The following GUCY2C variants were observed in gnomAD, a reference collection of about 807,000 sequenced individuals.
GUCY2C encodes guanylyl cyclase C.
A neutral mutation model predicts 131.1 loss-of-function variants in GUCY2C; 118 were observed. The observed-to-expected ratio is 0.90, with a 90% confidence interval of 0.78 to 1.05. The LOEUF (loss-of-function observed/expected upper bound fraction) is 1.05, where lower values mean the gene tolerates loss of function less well. Among genes scored for constraint, GUCY2C ranks in the 50% least tolerant of loss-of-function variants. The pLI, the probability that GUCY2C is intolerant of heterozygous loss-of-function variation, is 0.00. For missense variants in GUCY2C, 1,161 were observed against 1,304.4 expected (o/e 0.89, Z 1.69); for synonymous variants, 452 against 457.8 (o/e 0.99, Z 0.16).
chr12:14,664,545 C>T (rs1947931341), intron 10 of GUCY2C, among the ~76,000 whole-genome samples: 1 of 151,926 alleles, frequency 6.6e-6, no homozygotes, highest in Non-Finnish European at 1.5e-5. Context: ...TTTAATTAAA[C>T]ATGCTTTTCA....
intron 6 of GUCY2C, 32 bp downstream of exon 6, chr12:14,679,625 A>G (rs1948307169): frequency 9.7e-7 from 1 of 1,027,330 alleles, no homozygotes; most frequent in Non-Finnish European, 1.5e-6. Flanking sequence ...CCTTTTTGAA[A>G]GGAGGAGGGT....
intron 11 of GUCY2C, among the ~76,000 whole-genome samples, chr12:14,657,759 C>A (rs535487371): frequency 3.7e-4 from 56 of 152,242 alleles, no homozygotes; most frequent in African/African-American, 1.3e-3. Flanking sequence ...AAACTCTCCC[C>A]ACCCCCAAAA....
intron 12 of GUCY2C, among the ~76,000 whole-genome samples, chr12:14,656,303 C>T (rs2137046417): frequency 6.6e-6 from 1 of 152,316 alleles, no homozygotes; most frequent in South Asian, 2.1e-4. Context: ...ATATCTCAGC[C>T]TCCAGGGAAG....
intron 10 of GUCY2C, among the ~76,000 whole-genome samples, chr12:14,661,680 A>G (rs4764111): frequency 0.97 from 147,553 of 152,230 alleles, 71,535 homozygotes; most frequent in East Asian, 1. Flanking sequence ...CGATCCGCCA[A>G]CCTCAGTCTC....
At chr12:14,690,912 G>A (rs1349473556) in intron 1 of GUCY2C, among the ~76,000 whole-genome samples, 1 of 152,198 alleles carries the variant, frequency 6.6e-6, no homozygotes, top group African/African-American at 2.4e-5. Flanking sequence ...GGCATTATGA[G>A]TGATTTCTTA....
At chr12:14,694,058 T>C (rs1018189201) in intron 1 of GUCY2C, among the ~76,000 whole-genome samples, 1 of 152,234 alleles carries the variant, frequency 6.6e-6, no homozygotes, top group Non-Finnish European at 1.5e-5. Flanking sequence ...AGGTACTTTA[T>C]ATGAGTTTTC....
At chr12:14,636,409 C>G (rs534523957) in intron 19 of GUCY2C, among the ~76,000 whole-genome samples, 2 of 152,284 alleles carry the variant, frequency 1.3e-5, no homozygotes, top group South Asian at 4.1e-4. Context: ...TTCAACATCT[C>G]TTCTTGATAA....
chr12:14,621,269 G>A lies in GUCY2C; in HGVS notation c.2602-53C>T, dbSNP rs568173165. The stretch of plus-strand genomic sequence containing the variant: ...TCTGCCCCTTTGAAAAGTATAGAAA[G>A]TAAACAGAAGCAGTTAATCACATGT... On this transcript the variant is annotated intron_variant, in intron 22 of 26. Coordinates refer to ENST00000261170, the MANE Select transcript of GUCY2C (RefSeq NM_004963.4). 2.2e-5 allele frequency: 32 copies of A among 1,448,708 alleles called. No homozygotes were observed. In the South Asian group the frequency reaches 3.5e-4, roughly 16 times the overall value. The allele number at this position is 1,448,708 out of a possible 1,614,324, so 89.7% of individuals were successfully genotyped here. A position where few individuals can be genotyped will look rare whatever the true frequency, so the allele number is the denominator to read the frequency against.
At chr12:14,624,871 C>T (rs926766973) in intron 21 of GUCY2C, among the ~76,000 whole-genome samples, 15 of 152,208 alleles carry the variant, frequency 9.9e-5, no homozygotes, top group Non-Finnish European at 1.3e-4. Flanking sequence ...TTAAAACCAC[C>T]GCCAATGAAA....
At chr12:14,627,413 C>T (rs1265371848) in intron 20 of GUCY2C, among the ~76,000 whole-genome samples, 1 of 152,142 alleles carries the variant, frequency 6.6e-6, no homozygotes, top group Non-Finnish European at 1.5e-5. Flanking sequence ...ACTGCCAGTA[C>T]AGAGTCTAGT....
intron 1 of GUCY2C, among the ~76,000 whole-genome samples, chr12:14,688,924 G>A (rs1592149696): frequency 6.6e-6 from 1 of 152,226 alleles, no homozygotes; most frequent in African/African-American, 2.4e-5. Flanking sequence ...TGGGTGAGAT[G>A]TGAGGTCAGA....
intron 19 of GUCY2C, among the ~76,000 whole-genome samples, chr12:14,636,310 A>T (rs1462716579): frequency 6.6e-6 from 1 of 152,240 alleles, no homozygotes; most frequent in Non-Finnish European, 1.5e-5. Flanking sequence ...ACATATGCAA[A>T]TCAATAAACA....
intron 15 of GUCY2C, among the ~76,000 whole-genome samples, chr12:14,647,851 C>T (rs1275917241): frequency 6.6e-6 from 1 of 151,618 alleles, no homozygotes; most frequent in Non-Finnish European, 1.5e-5. Context: ...ATTTTCTATA[C>T]ACTTATTTTG....
chr12:14,626,532 T>C (rs1947021571), intron 20 of GUCY2C, among the ~76,000 whole-genome samples: 1 of 152,230 alleles, frequency 6.6e-6, no homozygotes, highest in Admixed American at 6.5e-5. Context: ...TTCTGAGAAT[T>C]ATCCTAAGGA....
chr12:14,671,309 TG>T (rs1320138199), intron 9 of GUCY2C, among the ~76,000 whole-genome samples: 3 of 152,172 alleles, frequency 2.0e-5, no homozygotes, highest in Non-Finnish European at 4.4e-5. Flanking sequence ...GGCTAATTTT[TG>T]TATTTTTAGT....
rs764197339 is a variant in GUCY2C at position 14,651,443 on chromosome 12, G to A, written c.1674C>T (p.Phe558=). The A allele has an allele frequency of 2.1e-5, 33 of 1,602,886 alleles. No individual in the cohort carries two copies. The highest frequency in any genetic ancestry group is 5.4e-5 in the African/African-American group (4 of 74,670). The part of the protein sequence containing the change: ...YGTVKLDTMI[F]GVIEYCERGS... Reference sequence around the variant, plus strand: ...CTCTCTCACAGTATTCTATCACCCCGAAGATCATGGTATCAAGTTTCACTG... The same window carrying A: ...CTCTCTCACAGTATTCTATCACCCCAAAGATCATGGTATCAAGTTTCACTG... Residue 558 remains phenylalanine (F), a synonymous_variant, in exon 15 of 27, where the codon TTC becomes TTT. Coordinates refer to ENST00000261170, the MANE Select transcript of GUCY2C (RefSeq NM_004963.4).
At position 14,660,994 on chromosome 12, in the gene GUCY2C, G is replaced by A. The variant is rs371692666; in HGVS notation, c.1351C>T (p.Leu451Phe). The change falls in exon 11 of 27, where the codon CTC (leucine) becomes TTC (phenylalanine). Residue 451 changes from leucine (L) to phenylalanine (F), a missense_variant. By Grantham distance (22) the Leu-to-Phe change is conservative (BLOSUM62 0). Coordinates refer to ENST00000261170, the MANE Select transcript of GUCY2C (RefSeq NM_004963.4). ...AGGCGGCTGTACCTGAGCATCAGGA[G>A]AGCGACGAGCAGGAGCAGCACCACA... is the stretch of plus-strand genomic sequence containing the variant. ...GAVVLLLLVA[L>F]LMLRKYRKDY... 27 of 1,610,576 alleles carry A rather than the reference G, an allele frequency of 1.7e-5. No individual in the cohort carries two copies. The highest frequency in any genetic ancestry group is 2.3e-5 in the Non-Finnish European group (27 of 1,176,942).
chr12:14,616,212 T>C (rs935524766), intron 25 of GUCY2C, among the ~76,000 whole-genome samples: 3 of 152,134 alleles, frequency 2.0e-5, no homozygotes, highest in African/African-American at 7.2e-5. Context: ...TCACTCCTTG[T>C]GATTCTAGAG....
intron 11 of GUCY2C, among the ~76,000 whole-genome samples, chr12:14,658,679 A>G (rs1272997794): frequency 2.0e-5 from 3 of 152,210 alleles, no homozygotes; most frequent in African/African-American, 7.2e-5. Context: ...CGGTCTCAAA[A>G]AAATAAAAAT....
Sources: gnomAD v4.1 joint callset for allele counts (sites outside exome capture counted in the v4.1 genomes callset) on GRCh38, gnomAD v4.1.1 for gene constraint, MANE v1.5 for transcripts, NCBI Gene and HGNC (gene_info 2026-07-23, HGNC 2026-07-21) for gene names.